UBOX5: variants seen among roughly 807,000 people sequenced by gnomAD.
The protein encoded by UBOX5 is RING finger protein 37.
A neutral mutation model predicts 39.0 loss-of-function variants in UBOX5; 28 were observed. The observed-to-expected ratio is 0.72, with a 90% CI of 0.53 to 0.98. UBOX5 has a LOEUF of 0.98. UBOX5 is among the 50% of genes least tolerant of loss of function. UBOX5 has a pLI of 0.00. For missense variants in UBOX5, 585 were observed against 674.4 expected (o/e 0.87, Z 1.47); for synonymous variants, 283 against 275.5 (o/e 1.03, Z -0.27).
In UBOX5 at chr20:3,118,687, G is replaced by C. The variant is rs541533072; in HGVS notation, c.1255+2697C>G. 3.3e-5 allele frequency among the ~76,000 whole-genome samples: 5 copies of C among 151,958 alleles called. No individual in the cohort carries two copies. In the South Asian group the frequency reaches 1.0e-3, roughly 31 times the overall value. On this transcript the variant is annotated intron_variant, in intron 3 of 4. Transcript: ENST00000217173. The stretch of plus-strand genomic sequence containing the variant: ...CTCAGGAGGCTGAGGCAGGAGAATG[G>C]CGTGAACCAGGGAGGCGGAGCTGGC...
intron 1 of UBOX5, among the ~76,000 whole-genome samples, chr20:3,132,518 CAAAG>C (rs1354105891): frequency 6.6e-6 from 1 of 151,564 alleles, no homozygotes; most frequent in Non-Finnish European, 1.5e-5. Flanking sequence ...ATAATAATAA[CAAAG>C]AAATGGCTGG....
Position 3,149,127 on chromosome 20 carries a change from C to G in UBOX5, c.-42+10639G>C. The G allele has an allele frequency of 1.3e-6, 2 of 1,532,942 alleles. No individual in the cohort carries two copies. The highest frequency in any genetic ancestry group is 4.2e-5 in the Admixed American group (2 of 47,702). The allele number at this position is 1,532,942 out of a possible 1,614,324, so 95.0% of individuals were successfully genotyped here. ...AGAATACAGTCCTCACAGATTTGAC[C>G]AGGCAATTTCTTGTTTATATGGTGC... On this transcript the variant is annotated intron_variant, in intron 1 of 4. Transcript: ENST00000217173. The surrounding 1 kb of genome is among the most constrained non-coding windows in gnomAD (Gnocchi z 4.1).
intron 1 of UBOX5, among the ~76,000 whole-genome samples, chr20:3,135,166 G>C (rs555723201): frequency 4.7e-4 from 72 of 152,132 alleles, no homozygotes; most frequent in African/African-American, 1.7e-3. Flanking sequence ...AAAAAACGTT[G>C]GTCAAAAGTT....
rs1437972435 is a variant in UBOX5, at chr20:3,110,241, C to A, written c.1491G>T (p.Glu497Asp). Reference protein sequence around the residue: ...KRVFSPYFKKEPVYQLPCGHL... With the variant: ...KRVFSPYFKKDPVYQLPCGHL... Reference sequence around the variant, plus strand: ...GGCCGCAGGGCAGCTGGTACACCGGCTCCTTTTTGAAGTAGGGAGAAAATA... The same window carrying A: ...GGCCGCAGGGCAGCTGGTACACCGGATCCTTTTTGAAGTAGGGAGAAAATA... The change falls in exon 5 of 5, where the codon GAG becomes GAT. Residue 497 changes from glutamate (E) to aspartate (D), a missense_variant. Transcript: ENST00000217173. 1.2e-5 allele frequency: 19 copies of A among 1,614,034 alleles called. No individual in the cohort carries two copies. The highest frequency in any genetic ancestry group is 1.5e-5 in the Non-Finnish European group (18 of 1,180,046).
chr20:3,121,355 C>G, intron 3 of UBOX5, 29 bp downstream of exon 3: 9 of 1,581,452 alleles, frequency 5.7e-6, no homozygotes, highest in Non-Finnish European at 7.7e-6. Context: ...ATGGATGAGC[C>G]TGGCTGCGGA....
At chr20:3,117,849 A>G (rs374320549) in intron 3 of UBOX5, among the ~76,000 whole-genome samples, 2 of 151,518 alleles carry the variant, frequency 1.3e-5, no homozygotes, top group African/African-American at 4.9e-5. Flanking sequence ...AAAATTAGCC[A>G]GGCATGGTGG....
rs750241345 is a variant in UBOX5 at position 3,147,483 on chromosome 20, C to G, written c.-42+12283G>C. 7.9e-5 allele frequency: 128 copies of G among 1,614,074 alleles called. No homozygotes were observed. Among genetic ancestry groups the G allele is most frequent in the Non-Finnish European group, 1.0e-4 (119 of 1,180,046 alleles). On this transcript the variant is annotated intron_variant, in intron 1 of 4. Coordinates refer to ENST00000217173, the MANE Select transcript of UBOX5 (RefSeq NM_014948.4). The stretch of plus-strand genomic sequence containing the variant: ...TGAAGGTGAGTACTAAGACGATTGC[C>G]TCTGTAATCTGGACACTCAATGCCA...
chr20:3,145,954 G>C (rs1390676777), intron 1 of UBOX5, among the ~76,000 whole-genome samples: 1 of 151,882 alleles, frequency 6.6e-6, no homozygotes, highest in Non-Finnish European at 1.5e-5. Flanking sequence ...GCTGAGGCAG[G>C]AGAACTGCCT....
Position 3,121,538 on chromosome 20 carries a change from CTCTA to C in UBOX5, c.1097_1100del (p.Ile366SerfsTer13). The C allele has an allele frequency of 6.2e-7, 1 of 1,612,654 alleles. No homozygotes were observed. Among genetic ancestry groups the C allele is most frequent in the East Asian group, 2.2e-5 (1 of 44,820 alleles). The stretch of plus-strand genomic sequence containing the variant: ...TACTGTCTGGGACATGTTCAGCCTG[CTCTA>C]TCTTCCTTTTCTGAGAGGGCAGAAC... On this transcript the variant is annotated frameshift_variant, in exon 3 of 5. Transcript: ENST00000217173. LOFTEE classifies it high-confidence loss of function.
chr20:3,126,511 T>TA (rs555965336), intron 1 of UBOX5, among the ~76,000 whole-genome samples: 7,200 of 49,664 alleles, frequency 0.14, 464 homozygotes, highest in African/African-American at 0.32. Flanking sequence ...CAATAAATAC[T>TA]AAAAAAAAAA....
intron 1 of UBOX5, among the ~76,000 whole-genome samples, chr20:3,133,166 G>T (rs761246134): frequency 6.6e-6 from 1 of 152,108 alleles, no homozygotes; most frequent in Admixed American, 6.6e-5. Flanking sequence ...GTAGGATTCC[G>T]TAAGAACCTG....
chr20:3,126,669 AAG>A (rs376942208), intron 1 of UBOX5, among the ~76,000 whole-genome samples: 5 of 150,884 alleles, frequency 3.3e-5, no homozygotes, highest in African/African-American at 7.3e-5. Context: ...AGAAGGAGGG[AAG>A]AGAGAGAGGG....
Position 3,149,152 on chromosome 20 carries a change from C to T in UBOX5, c.-42+10614G>A, listed in dbSNP as rs968511228. 1.4e-6 allele frequency: 2 copies of T among 1,471,112 alleles called. No homozygotes were observed. The highest frequency in any genetic ancestry group is 1.8e-6 in the Non-Finnish European group (2 of 1,090,496). 91.1% of individuals were successfully genotyped at this position (1,471,112 alleles called of 1,614,324 possible). The stretch of plus-strand genomic sequence containing the variant: ...CAGGCAATTTCTTGTTTATATGGTG[C>T]TTGATTAGAGCTGGACGGGGAGGTG... On this transcript the variant is annotated intron_variant, in intron 1 of 4. Transcript: ENST00000217173. The surrounding 1 kb of genome is among the most constrained non-coding windows in gnomAD (Gnocchi z 4.1).
At position 3,147,447 on chromosome 20, in the gene UBOX5, A is replaced by G. The variant is rs1334087098; in HGVS notation, c.-42+12319T>C. 12 of 1,613,732 alleles carry G rather than the reference A, an allele frequency of 7.4e-6. No homozygotes were observed. The Admixed American group carries it at 1.8e-4, about 25-fold the overall frequency. Reference sequence around the variant, plus strand: ...TCTGCTAAATACCACAGCAATTCAGACCCCTCTTGCTGAAGGTGAGTACTA... The same window carrying G: ...TCTGCTAAATACCACAGCAATTCAGGCCCCTCTTGCTGAAGGTGAGTACTA... On this transcript the variant is annotated intron_variant, in intron 1 of 4. Coordinates refer to ENST00000217173, the MANE Select transcript of UBOX5 (RefSeq NM_014948.4).
chr20:3,159,024 G>A (rs185469837), intron 1 of UBOX5, among the ~76,000 whole-genome samples: 96 of 152,334 alleles, frequency 6.3e-4, no homozygotes, highest in African/African-American at 2.3e-3. Flanking sequence ...TCTGATCAGT[G>A]AAGCATCACC....
In UBOX5 at chr20:3,149,810, G is replaced by C. The variant is rs1345095716; in HGVS notation, c.-42+9956C>G. 1.3e-5 allele frequency among the ~76,000 whole-genome samples: 2 copies of C among 152,108 alleles called. No individual in the cohort carries two copies. ...AGGCAGGCAGATCACTTGAGGTCAG[G>C]AGTTCAAGACCAGCCTGGCCAACAA... On this transcript the variant is annotated intron_variant, in intron 1 of 4. Transcript: ENST00000217173. The surrounding 1 kb of genome is among the most constrained non-coding windows in gnomAD (Gnocchi z 4.1).
In UBOX5 at chr20:3,123,326, T is replaced by G; in HGVS notation, c.40A>C (p.Ile14Leu). ...NLCLPQFRPR[I>L]HCNKISADGY... ...GTTTTGTTTACCTTGTTGCAGTGAA[T>G]TCTTGGTCTGAACTGTGGGAGGCAA... Residue 14 changes from isoleucine to leucine, a missense_variant, in exon 2 of 5, where the codon ATT becomes CTT. Ile to Leu is a conservative substitution (Grantham distance 5). Transcript: ENST00000217173. 1 of 1,614,124 alleles carries G rather than the reference T, an allele frequency of 6.2e-7. No individual in the cohort carries two copies. Among genetic ancestry groups the G allele is most frequent in the East Asian group, 2.2e-5 (1 of 44,890 alleles).
At chr20:3,152,393 T>C (rs1409952021) in intron 1 of UBOX5, among the ~76,000 whole-genome samples, 1 of 151,862 alleles carries the variant, frequency 6.6e-6, no homozygotes, top group African/African-American at 2.4e-5. Context: ...TCCCAGCTAC[T>C]CGGGAGGCTG....
At chr20:3,144,726 C>T (rs2066545424) in intron 1 of UBOX5, among the ~76,000 whole-genome samples, 1 of 152,194 alleles carries the variant, frequency 6.6e-6, no homozygotes, top group African/African-American at 2.4e-5. Context: ...TATTATGTTA[C>T]TTATATATAT....
Sources: allele counts gnomAD v4.1 joint callset (sites outside exome capture counted in the v4.1 genomes callset), GRCh38; gene constraint gnomAD v4.1.1; non-coding constraint Gnocchi (gnomAD v3.1); transcripts MANE v1.5; gene names NCBI Gene and HGNC (gene_info 2026-07-23, HGNC 2026-07-21).